TMA7B: variants seen among roughly 807,000 people sequenced by gnomAD.
TMA7B encodes translation machinery-associated protein 7B.
At chr22:39,961,799 AT>A in the TMA7B span, among the ~76,000 whole-genome samples, 1 of 152,242 alleles carries the variant, frequency 6.6e-6, no homozygotes, top group African/African-American at 2.4e-5. Context: ...TATTCAATAT[AT>A]TTTGAAAGGC....
chr22:39,961,465 A>G, the TMA7B span, among the ~76,000 whole-genome samples: 199 of 152,336 alleles, frequency 1.3e-3, 1 homozygote, highest in African/African-American at 4.6e-3. Context: ...ACAAAAAGAA[A>G]GGCTACTTCA....
the TMA7B span, among the ~76,000 whole-genome samples, chr22:39,961,154 G>C: frequency 6.6e-6 from 1 of 151,950 alleles, no homozygotes; most frequent in Non-Finnish European, 1.5e-5. Flanking sequence ...AGGTCTTACT[G>C]TGTTGCCTGG....
the TMA7B span, among the ~76,000 whole-genome samples, chr22:39,961,957 A>G: frequency 6.6e-6 from 1 of 152,204 alleles, no homozygotes; most frequent in East Asian, 1.9e-4. Flanking sequence ...CATACCTTTA[A>G]AGTGGTCTCT....
chr22:39,962,290 C>T, the TMA7B span, among the ~76,000 whole-genome samples: 24 of 152,024 alleles, frequency 1.6e-4, no homozygotes, highest in African/African-American at 5.8e-4. Flanking sequence ...AGTGCAGTGG[C>T]GCATGCCTGT....
the TMA7B span, among the ~76,000 whole-genome samples, chr22:39,964,889 T>A: frequency 1.3e-5 from 2 of 152,110 alleles, no homozygotes; most frequent in Non-Finnish European, 2.9e-5. Flanking sequence ...TTAAACCAAC[T>A]CATTTGAAAG....
the TMA7B span, chr22:39,964,273 A>C: frequency 3.2e-6 from 2 of 634,714 alleles, no homozygotes; most frequent in Non-Finnish European, 2.8e-6. Context: ...CCCTGGTTCG[A>C]ATGTGTCCCA....
chr22:39,962,176 A>G, the TMA7B span, among the ~76,000 whole-genome samples: 69 of 152,274 alleles, frequency 4.5e-4, no homozygotes, highest in African/African-American at 1.7e-3. Context: ...TAATCCCAGC[A>G]CTTTGGGAGG....
chr22:39,961,648 T>C, the TMA7B span, among the ~76,000 whole-genome samples: 1 of 152,216 alleles, frequency 6.6e-6, no homozygotes, highest in Non-Finnish European at 1.5e-5. Flanking sequence ...ACACTGTGTG[T>C]GGTCAGCATG....
At chr22:39,960,464 T>C in the TMA7B span, 1,774 of 375,578 alleles carry the variant, frequency 4.7e-3, 22 homozygotes, top group African/African-American at 0.032. Context: ...ACTTCATCTT[T>C]ATGCCTTTAA....
the TMA7B span, chr22:39,964,525 G>A: frequency 3.1e-5 from 28 of 904,464 alleles, no homozygotes; most frequent in East Asian, 6.6e-4. Context: ...CGTGGGGAAG[G>A]GGCCTCTGGC....
chr22:39,963,106 G>A, the TMA7B span, among the ~76,000 whole-genome samples: 11 of 152,166 alleles, frequency 7.2e-5, no homozygotes, highest in South Asian at 2.1e-4. Context: ...TCCTTATCAC[G>A]TCTTTGCAGA....
chr22:39,960,832 A>G, the TMA7B span: 4 of 152,066 alleles, frequency 2.6e-5, no homozygotes, highest in Non-Finnish European at 4.4e-5. Flanking sequence ...AAAGCCGTCT[A>G]TTTTTATGCT....
the TMA7B span, among the ~76,000 whole-genome samples, chr22:39,962,346 G>A: frequency 5.3e-5 from 8 of 152,094 alleles, no homozygotes; most frequent in Non-Finnish European, 8.8e-5. Flanking sequence ...TGTTGGAGCT[G>A]GGCGGTTGAG....
the TMA7B span, among the ~76,000 whole-genome samples, chr22:39,963,147 C>T: frequency 6.6e-6 from 1 of 152,160 alleles, no homozygotes; most frequent in Admixed American, 6.5e-5. Context: ...AAAGCAAAAT[C>T]ATTATTAATT....
At chr22:39,961,092 C>T in the TMA7B span, among the ~76,000 whole-genome samples, 1 of 151,882 alleles carries the variant, frequency 6.6e-6, no homozygotes, top group Non-Finnish European at 1.5e-5. Context: ...GATACAGGTG[C>T]ACACCACCAC....
At chr22:39,964,555 T>G in the TMA7B span, 2 of 835,352 alleles carry the variant, frequency 2.4e-6, no homozygotes, top group East Asian at 4.8e-5. Flanking sequence ...AATTAAGAAA[T>G]CTGGCAAAAA....
the TMA7B span, chr22:39,964,192 G>T: frequency 3.8e-6 from 2 of 533,306 alleles, no homozygotes; most frequent in Non-Finnish European, 6.6e-6. Flanking sequence ...ACTTGGCAAT[G>T]AAGTAAAACT....
chr22:39,961,898 G>A, the TMA7B span, among the ~76,000 whole-genome samples: 2 of 152,222 alleles, frequency 1.3e-5, no homozygotes, highest in African/African-American at 2.4e-5. Flanking sequence ...TATTTGAAAG[G>A]ATAGGTAGGA....
the TMA7B span, among the ~76,000 whole-genome samples, chr22:39,961,373 C>T: frequency 6.6e-6 from 1 of 152,318 alleles, no homozygotes; most frequent in Non-Finnish European, 1.5e-5. Context: ...CTTCCCATCT[C>T]CTTTGGTTCG....
Sources: gnomAD v4.1 joint callset for allele counts (sites outside exome capture counted in the v4.1 genomes callset) on GRCh38, gnomAD v4.1.1 for gene constraint, MANE v1.5 for transcripts, NCBI Gene and HGNC (gene_info 2026-07-23, HGNC 2026-07-21) for gene names.